Variants in PTCH2 observed in about 807,000 individuals in gnomAD.
The protein encoded by PTCH2 is patched 2, also known as protein patched homolog 2.
Under a neutral mutation model 117.9 loss-of-function variants are expected in PTCH2, and 96 were observed. The observed-to-expected ratio is 0.81, with a 90% CI of 0.69 to 0.96. The LOEUF is 0.96. PTCH2 is among the 50% of genes least tolerant of loss of function. The probability of loss-of-function intolerance (pLI) is 0.00; values close to 1 mark genes in which losing one functional copy is unlikely to be tolerated. For synonymous variants in PTCH2, 615 were observed against 660.9 expected (o/e 0.93, Z 1.06); for missense variants, 1,379 against 1,562.5 (o/e 0.88, Z 1.98).
In PTCH2 at chr1:44,826,793, A is replaced by G; in HGVS notation, c.2696-25T>C. On this transcript the variant is annotated intron_variant, in intron 17 of 21. Coordinates refer to ENST00000372192, the MANE Select transcript of PTCH2 (RefSeq NM_003738.5). The surrounding 1 kb of genome is among the most constrained non-coding windows in gnomAD (Gnocchi z 5.1). ...ACTGTGGAGGGGAGGGGAAGGGAGA[A>G]GAGGGAGAGGGACAGGGCGGTGAGC... The G allele has an allele frequency of 6.2e-7, 1 of 1,602,474 alleles. No individual in the cohort carries two copies. The highest frequency in any genetic ancestry group is 8.5e-7 in the Non-Finnish European group (1 of 1,172,438).
In PTCH2 at chr1:44,823,071, C is replaced by G. The variant is rs766636037; in HGVS notation, c.3355G>C (p.Glu1119Gln). The part of the protein sequence containing the change: ...VLLSILGPPP[E>Q]VIQMYKESPE... ...GATGGTGCCGAGGGTGTGGTCACCT[C>G]TGGCGGCGGGCCCAGGATGGACAGC... Residue 1119 changes from glutamate (E) to glutamine (Q), a missense_variant and splice_region_variant, in exon 21 of 22, where the codon GAG (glutamate) becomes CAG (glutamine). Coordinates refer to ENST00000372192, the MANE Select transcript of PTCH2 (RefSeq NM_003738.5). The surrounding 1 kb of genome is among the most constrained non-coding windows in gnomAD (Gnocchi z 5.1). The G allele has an allele frequency of 1.9e-6, 3 of 1,612,918 alleles. No homozygotes were observed. The highest frequency in any genetic ancestry group is 2.5e-6 in the Non-Finnish European group (3 of 1,179,680).
chr1:44,828,035 G>C lies in PTCH2; in HGVS notation c.1866C>G (p.His622Gln). 6.2e-7 allele frequency: 1 copy of C among 1,614,220 alleles called. No individual in the cohort carries two copies. The highest frequency in any genetic ancestry group is 8.5e-7 in the Non-Finnish European group (1 of 1,180,048). The change falls in exon 14 of 22, where the codon CAC becomes CAG. Residue 622 changes from histidine to glutamine, a missense_variant. His to Gln is a conservative substitution (Grantham distance 24). Transcript: ENST00000372192. ...HVVTILPPQA[H>Q]LVPPPSDPLG... ...GTGGGTCAGAAGGTGGGGGCACCAGGTGGGCTTGGGGAGGCAGGATGGTGA... is the reference window on the plus strand; with the variant it reads ...GTGGGTCAGAAGGTGGGGGCACCAGCTGGGCTTGGGGAGGCAGGATGGTGA...
rs144373170 is a variant in PTCH2 at position 44,827,844 on chromosome 1, T to C, written c.2057A>G (p.Lys686Arg). ...CTGCCCTGCTCTGCCCAGTCTTACCTTAGCATGTGACTGGAGCAGCAACGG... is the reference window on the plus strand; with the variant it reads ...CTGCCCTGCTCTGCCCAGTCTTACCCTAGCATGTGACTGGAGCAGCAACGG... ...FAPLLLQSHA[K>R]AIVLVLFGAL... The change falls in exon 14 of 22, where the codon AAG becomes AGG. Residue 686 changes from lysine (K) to arginine (R), a missense_variant and splice_region_variant. Coordinates refer to ENST00000372192, the MANE Select transcript of PTCH2 (RefSeq NM_003738.5). 2 of 1,613,968 alleles carry C rather than the reference T, an allele frequency of 1.2e-6. No individual in the cohort carries two copies. Among genetic ancestry groups the C allele is most frequent in the African/African-American group, 2.7e-5 (2 of 74,946 alleles).
In PTCH2 at chr1:44,831,715, G is replaced by A. The variant is rs968580747; in HGVS notation, c.608C>T (p.Ala203Val). The A allele has an allele frequency of 1.8e-5, 28 of 1,559,218 alleles. 1 individual carries two copies. The highest frequency in any genetic ancestry group is 7.7e-5 in the Admixed American group (4 of 51,758). Residue 203 changes from alanine (A) to valine (V), a missense_variant, in exon 5 of 22, where the codon GCC (alanine) becomes GTC (valine). Transcript: ENST00000372192. This position sits in a 1 kb window ranked among gnomAD's most constrained non-coding sequence, Gnocchi z 4.3. ...CAGGAGTGGCACTCACGGCAGGTAG[G>A]CGGAGCCCCCTTGGAGTTTGGCTCC... Reference protein sequence around the residue: ...WEGAKLQGGSAYLPGRPDIQW... With the variant: ...WEGAKLQGGSVYLPGRPDIQW...
Position 44,822,445 on chromosome 1 carries a change from A to T in PTCH2, c.3582T>A (p.Ser1194Arg). Residue 1194 changes from serine (S) to arginine (R), a missense_variant, in exon 22 of 22, where the codon AGT (serine) becomes AGA (arginine). By Grantham distance (110) the Ser-to-Arg change is moderately radical. Coordinates refer to ENST00000372192, the MANE Select transcript of PTCH2 (RefSeq NM_003738.5). ...SPAATSSGNL[S>R]SRGPGPATG is the part of the protein sequence containing the mutation. ...CAGTGGCTGGACCTGGTCCCCTGGA[A>T]CTGAGGTTGCCAGAGCTAGTGGCAG... 1 of 1,613,854 alleles carries T rather than the reference A, an allele frequency of 6.2e-7. No individual in the cohort carries two copies. Among genetic ancestry groups the T allele is most frequent in the Non-Finnish European group, 8.5e-7 (1 of 1,180,002 alleles).
rs1346288458 is a variant in PTCH2, at chr1:44,832,315, G to A, written c.292C>T (p.His98Tyr). The A allele has an allele frequency of 2.5e-6, 4 of 1,614,104 alleles. No homozygotes were observed. The Admixed American group carries it at 6.7e-5, about 27-fold the overall frequency. ...TCCCCCAGCTTCTCCTTGGTGTAAT[G>A]CAGCTCCTGGCTCACCCGGCTGCCC... ...EVGSRVSQEL[H>Y]YTKEKLGEEA... Residue 98 changes from histidine to tyrosine, a missense_variant, in exon 3 of 22, where the codon CAT becomes TAT. Coordinates refer to ENST00000372192, the MANE Select transcript of PTCH2 (RefSeq NM_003738.5).
chr1:44,837,442 C>T (rs915244830), intron 2 of PTCH2, among the ~76,000 whole-genome samples: 3 of 152,098 alleles, frequency 2.0e-5, no homozygotes. Context: ...TTAGTAGAGA[C>T]AAGGTTTTGC....
At chr1:44,838,840 C>T (rs531978604) in intron 2 of PTCH2, among the ~76,000 whole-genome samples, 7 of 152,280 alleles carry the variant, frequency 4.6e-5, no homozygotes, top group African/African-American at 1.7e-4. Flanking sequence ...CTGCCTCAGC[C>T]TCTGGAGTAG....
In PTCH2 at chr1:44,822,081, G is replaced by A; in HGVS notation, c.*334C>T. On this transcript the variant is annotated 3_prime_UTR_variant, in exon 22 of 22. Transcript: ENST00000372192. ...GCAGGGATATGGAGAGCCTGCCCAGGAGTCACCAGACGGAAGGGTGCTGGA... is the reference window on the plus strand; with the variant it reads ...GCAGGGATATGGAGAGCCTGCCCAGAAGTCACCAGACGGAAGGGTGCTGGA... 1 of 1,368,818 alleles carries A rather than the reference G, an allele frequency of 7.3e-7. No individual in the cohort carries two copies. Among genetic ancestry groups the A allele is most frequent in the Non-Finnish European group, 9.5e-7 (1 of 1,058,016 alleles). 84.8% of individuals were successfully genotyped at this position (1,368,818 alleles called of 1,614,324 possible).
In PTCH2 at chr1:44,827,761, C is replaced by A; in HGVS notation, c.2059-47G>T. On this transcript the variant is annotated intron_variant, in intron 14 of 21. Coordinates refer to ENST00000372192, the MANE Select transcript of PTCH2 (RefSeq NM_003738.5). ...CTGGAGACCCCAGGGCTGCCCCCAG[C>A]CCCTCAGGCAGTGGACTAAGCCCTC... 2 of 1,611,594 alleles carry A rather than the reference C, an allele frequency of 1.2e-6. 1 individual carries two copies. The highest frequency in any genetic ancestry group is 3.3e-4 in the Middle Eastern group (2 of 6,062).
rs1474039572 is a variant in PTCH2 at position 44,831,054 on chromosome 1, A to C, written c.618-11T>G. 6.2e-7 allele frequency: 1 copy of C among 1,609,364 alleles called. No homozygotes were observed. The highest frequency in any genetic ancestry group is 2.2e-5 in the East Asian group (1 of 44,796). On this transcript the variant is annotated splice_polypyrimidine_tract_variant and intron_variant, in intron 5 of 21. Transcript: ENST00000372192. The surrounding 1 kb of genome is among the most constrained non-coding windows in gnomAD (Gnocchi z 4.3). Reference sequence around the variant, plus strand: ...ATATCCGGGCGGCCGCTGAGGGAAAAGCCTATAGTTGGTGAGGGTCAGGGA... The same window carrying C: ...ATATCCGGGCGGCCGCTGAGGGAAACGCCTATAGTTGGTGAGGGTCAGGGA...
At chr1:44,830,822 C>A in intron 6 of PTCH2, 26 bp downstream of exon 6, 1 of 1,516,320 alleles carries the variant, frequency 6.6e-7, no homozygotes, top group Admixed American at 2.1e-5. Context: ...AACAGCCTTT[C>A]CCTGGCAGAC....
At position 44,823,442 on chromosome 1, in the gene PTCH2, C is replaced by T; in HGVS notation, c.3115-57G>A. ...CTCTGCCAGTCATGGCCAGCTCAGC[C>T]ATGTCCCGAGCTGTATCTGTCTTCA... On this transcript the variant is annotated intron_variant, in intron 19 of 21. Coordinates refer to ENST00000372192, the MANE Select transcript of PTCH2 (RefSeq NM_003738.5). The surrounding 1 kb of genome is among the most constrained non-coding windows in gnomAD (Gnocchi z 5.1). 2 of 1,612,160 alleles carry T rather than the reference C, an allele frequency of 1.2e-6. No homozygotes were observed. Among genetic ancestry groups the T allele is most frequent in the South Asian group, 2.2e-5 (2 of 90,864 alleles).
chr1:44,834,451 C>T (rs1349753149), intron 2 of PTCH2, among the ~76,000 whole-genome samples: 1 of 152,124 alleles, frequency 6.6e-6, no homozygotes, highest in African/African-American at 2.4e-5. Context: ...CCCTACTCCC[C>T]ACTCTTTTGC....
intron 2 of PTCH2, among the ~76,000 whole-genome samples, chr1:44,832,570 G>A (rs1026947204): frequency 3.3e-5 from 5 of 152,234 alleles, no homozygotes; most frequent in Admixed American, 6.5e-5. Flanking sequence ...GTGGCTCTGC[G>A]GATTTCTTGT....
rs1346543792 is a variant in PTCH2, at chr1:44,828,173, C to T, written c.1728G>A (p.Val576=). ...CCAGCTCCTGGGGCAGGATCTGAAT[C>T]ACCTGAGCAGAGCAGGGACTGGAAG... ...CCFSSPCSAQ[V]IQILPQELGD... Residue 576 remains valine (V), a synonymous_variant, in exon 14 of 22, where the codon GTG becomes GTA. Coordinates refer to ENST00000372192, the MANE Select transcript of PTCH2 (RefSeq NM_003738.5). The T allele has an allele frequency of 1.2e-6, 2 of 1,613,706 alleles. No homozygotes were observed. The highest frequency in any genetic ancestry group is 1.7e-6 in the Non-Finnish European group (2 of 1,180,048).
Position 44,829,911 on chromosome 1 carries a change from C to G in PTCH2, c.933G>C (p.Leu311=), listed in dbSNP as rs966857361. 9 of 1,614,124 alleles carry G rather than the reference C, an allele frequency of 5.6e-6. No homozygotes were observed. The highest frequency in any genetic ancestry group is 7.6e-6 in the Non-Finnish European group (9 of 1,179,972). ...GMARDPQGEL[L]RAEALQSTFL... is the part of the protein sequence containing the mutation. Reference sequence around the variant, plus strand: ...CCAACTCCCAGAGGAGACCCTACCTCAGCAGCTCTCCTTGGGGGTCTCTGG... The same window carrying G: ...CCAACTCCCAGAGGAGACCCTACCTGAGCAGCTCTCCTTGGGGGTCTCTGG... The change falls in exon 7 of 22, where the codon CTG becomes CTC. Residue 311 remains leucine (L), a splice_region_variant and synonymous_variant. Coordinates refer to ENST00000372192, the MANE Select transcript of PTCH2 (RefSeq NM_003738.5).
intron 19 of PTCH2, among the ~76,000 whole-genome samples, chr1:44,824,409 C>T (rs546822318): frequency 2.0e-5 from 3 of 152,184 alleles, no homozygotes; most frequent in Non-Finnish European, 2.9e-5. Context: ...CAGCCCTGGG[C>T]GAGGCCCTCC....
intron 2 of PTCH2, among the ~76,000 whole-genome samples, chr1:44,838,302 C>T (rs1472431206): frequency 1.3e-5 from 2 of 152,242 alleles, no homozygotes; most frequent in East Asian, 1.9e-4. Context: ...AGTACAAAGA[C>T]GCGATCTCGG....
Sources: gnomAD v4.1 joint callset for allele counts (sites outside exome capture counted in the v4.1 genomes callset) on GRCh38, gnomAD v4.1.1 for gene constraint, Gnocchi (gnomAD v3.1) non-coding constraint, MANE v1.5 for transcripts, NCBI Gene and HGNC (gene_info 2026-07-23, HGNC 2026-07-21) for gene names.